POGLUT3: variants seen among roughly 807,000 people sequenced by gnomAD.
POGLUT3 encodes the protein KDEL (Lys-Asp-Glu-Leu) containing 2.
In POGLUT3, 48 loss-of-function variants were observed where a neutral mutation model predicts 54.3. The ratio of observed to expected loss-of-function variants is 0.88; its 90% CI spans 0.70 to 1.12. The LOEUF is 1.12. POGLUT3 is among the 50% of genes most tolerant of loss of function. POGLUT3 has a pLI of 0.00. For missense variants in POGLUT3, 629 were observed against 618.7 expected (o/e 1.02, Z -0.18); for synonymous variants, 218 against 237.4 (o/e 0.92, Z 0.75).
intron 4 of POGLUT3, among the ~76,000 whole-genome samples, 199 bp downstream of exon 4, chr11:108,481,807 C>G (rs2093593219): frequency 6.6e-6 from 1 of 152,198 alleles, no homozygotes. Context: ...AAAACGTGAG[C>G]TAGCCCTTTG....
chr11:108,484,301 G>A (rs973901226), intron 3 of POGLUT3, among the ~76,000 whole-genome samples: 1 of 152,220 alleles, frequency 6.6e-6, no homozygotes, highest in African/African-American at 2.4e-5. Context: ...AGCCCGGGAA[G>A]AGAGCACTAC....
At chr11:108,482,808 TAG>T (rs2093595406) in intron 3 of POGLUT3, among the ~76,000 whole-genome samples, 2 of 152,140 alleles carry the variant, frequency 1.3e-5, no homozygotes, top group African/African-American at 2.4e-5. Flanking sequence ...GAAAATTGTG[TAG>T]AGAGGTAAGA....
At position 108,474,719 on chromosome 11, in the gene POGLUT3, G is replaced by T; in HGVS notation, c.*108C>A. The T allele has an allele frequency of 7.7e-7, 1 of 1,298,696 alleles. No individual in the cohort carries two copies. Among genetic ancestry groups the T allele is most frequent in the Non-Finnish European group, 1.1e-6 (1 of 931,920 alleles). The allele number at this position is 1,298,696 out of a possible 1,614,324, so 80.4% of individuals were successfully genotyped here. ...TCCATCTACATATATAAAGCCACCG[G>T]GAGAACTAGTCCACTTGGTGCAGTC... On this transcript the variant is annotated 3_prime_UTR_variant, in exon 8 of 8. Coordinates refer to ENST00000323468, the MANE Select transcript of POGLUT3 (RefSeq NM_153705.5).
chr11:108,491,424 A>G (rs1323282495), intron 1 of POGLUT3: 3 of 569,002 alleles, frequency 5.3e-6, no homozygotes, highest in Non-Finnish European at 9.3e-6. Context: ...GCAGAATCCT[A>G]GCTCATTACA....
chr11:108,480,127 C>T lies in POGLUT3; in HGVS notation c.1099-632G>A, dbSNP rs192634214. ...CTGGGATTACAGGCGTGAACCACTA[C>T]GCCCAGCCAGGAAAACTATTTTCAA... On this transcript the variant is annotated intron_variant, in intron 5 of 7. Coordinates refer to ENST00000323468, the MANE Select transcript of POGLUT3 (RefSeq NM_153705.5). Among the ~76,000 whole-genome samples, 7 of 152,334 alleles carry T rather than the reference C, an allele frequency of 4.6e-5. 1 individual carries two copies. The highest frequency in any genetic ancestry group is 1.3e-4 in the Admixed American group (2 of 15,302).
chr11:108,492,923 CA>C (rs2093615759), intron 1 of POGLUT3, among the ~76,000 whole-genome samples: 1 of 152,170 alleles, frequency 6.6e-6, no homozygotes, highest in East Asian at 1.9e-4. Flanking sequence ...CATGGCACAG[CA>C]GATCGAAATC....
chr11:108,486,016 G>A (rs2093602599), intron 3 of POGLUT3, 141 bp downstream of exon 3: 1 of 670,524 alleles, frequency 1.5e-6, no homozygotes, highest in African/African-American at 1.8e-5. Flanking sequence ...TGGAGAACAT[G>A]ATGAACACTC....
intron 1 of POGLUT3, among the ~76,000 whole-genome samples, chr11:108,496,745 T>C (rs2093622972): frequency 6.6e-6 from 1 of 152,200 alleles, no homozygotes; most frequent in Non-Finnish European, 1.5e-5. Context: ...CTGAGGTAGT[T>C]AAGGGAGAGG....
Position 108,474,759 on chromosome 11 carries a change from T to G in POGLUT3, c.*68A>C. The G allele has an allele frequency of 6.3e-7, 1 of 1,581,420 alleles. No homozygotes were observed. The highest frequency in any genetic ancestry group is 8.6e-7 in the Non-Finnish European group (1 of 1,159,314). ...TTGGTGCAGTCTTCTATACTGTCCTTCACAGCTTAGATTCAATCTTTCCTT... is the reference window on the plus strand; with the variant it reads ...TTGGTGCAGTCTTCTATACTGTCCTGCACAGCTTAGATTCAATCTTTCCTT... On this transcript the variant is annotated 3_prime_UTR_variant, in exon 8 of 8. Transcript: ENST00000323468.
intron 1 of POGLUT3, 32 bp downstream of exon 1, chr11:108,498,133 C>T (rs751997229): frequency 2.8e-5 from 41 of 1,477,866 alleles, no homozygotes; most frequent in Non-Finnish European, 3.5e-5. Context: ...GACCCGGCCG[C>T]GGGACGAGGG....
chr11:108,493,960 A>C (rs948890893), intron 1 of POGLUT3, among the ~76,000 whole-genome samples: 2 of 152,190 alleles, frequency 1.3e-5, no homozygotes, highest in Admixed American at 1.3e-4. Context: ...AGAATCAGAA[A>C]TCTTGAACAC....
chr11:108,477,495 G>GAA lies in POGLUT3; in HGVS notation c.1398+111_1398+112insTT. The GAA allele has an allele frequency of 5.9e-6, 4 of 676,154 alleles. No individual in the cohort carries two copies. The South Asian group carries it at 7.5e-5, about 13-fold the overall frequency. The allele number at this position is 676,154 out of a possible 1,614,324, so 41.9% of individuals were successfully genotyped here. Reference sequence around the variant, plus strand: ...GGCAAGTGCCTTGGCTTAGCCAGTGGTCCATAGGCTTGACTGTGAGTCCTT... The same window carrying GAA: ...GGCAAGTGCCTTGGCTTAGCCAGTGGAATCCATAGGCTTGACTGTGAGTCCTT... On this transcript the variant is annotated intron_variant, in intron 7 of 7. Coordinates refer to ENST00000323468, the MANE Select transcript of POGLUT3 (RefSeq NM_153705.5).
chr11:108,474,751 A>G lies in POGLUT3; in HGVS notation c.*76T>C, dbSNP rs150085579. 1.3e-4 allele frequency: 207 copies of G among 1,556,946 alleles called. No individual in the cohort carries two copies. In the African/African-American group the frequency reaches 2.5e-3, roughly 19 times the overall value. On this transcript the variant is annotated 3_prime_UTR_variant, in exon 8 of 8. Transcript: ENST00000323468. ...TAGTCCACTTGGTGCAGTCTTCTAT[A>G]CTGTCCTTCACAGCTTAGATTCAAT... is the stretch of plus-strand genomic sequence containing the variant.
intron 6 of POGLUT3, 33 bp from the exon 7 acceptor site, chr11:108,477,744 A>T: frequency 2.9e-6 from 4 of 1,389,208 alleles, no homozygotes. Context: ...AATGAATGAA[A>T]ATTACTACTG....
At position 108,486,212 on chromosome 11, in the gene POGLUT3, T is replaced by G. The variant is rs753354801; in HGVS notation, c.629A>C (p.Lys210Thr). The G allele has an allele frequency of 2.5e-6, 4 of 1,613,746 alleles. No individual in the cohort carries two copies. In the East Asian group the frequency reaches 6.7e-5, roughly 27 times the overall value. Residue 210 changes from lysine (K) to threonine (T), a missense_variant, in exon 3 of 8, where the codon AAA becomes ACA. Physicochemically the swap from Lys to Thr is moderately conservative, Grantham distance 78 (BLOSUM62 -1). Transcript: ENST00000323468. ...AGAGAACATCTTGAAGTCTGTGTATTTCCCTAAAGATCTCCGGTAAACATG... is the reference window on the plus strand; with the variant it reads ...AGAGAACATCTTGAAGTCTGTGTATGTCCCTAAAGATCTCCGGTAAACATG... ...NNHVYRRSLG[K>T]YTDFKMFSDE...
chr11:108,478,423 A>G (rs976418506), intron 6 of POGLUT3, among the ~76,000 whole-genome samples: 1 of 152,246 alleles, frequency 6.6e-6, no homozygotes, highest in Admixed American at 6.5e-5. Context: ...TCCTCTCTGC[A>G]TAACAGGAGA....
intron 2 of POGLUT3, among the ~76,000 whole-genome samples, chr11:108,489,254 T>C (rs2093608958): frequency 6.6e-6 from 1 of 152,160 alleles, no homozygotes; most frequent in African/African-American, 2.4e-5. Flanking sequence ...GCCCAATATA[T>C]GGGTAATTAG....
At position 108,474,750 on chromosome 11, in the gene POGLUT3, T is replaced by C; in HGVS notation, c.*77A>G. ...CTAGTCCACTTGGTGCAGTCTTCTA[T>C]ACTGTCCTTCACAGCTTAGATTCAA... is the stretch of plus-strand genomic sequence containing the variant. On this transcript the variant is annotated 3_prime_UTR_variant, in exon 8 of 8. Coordinates refer to ENST00000323468, the MANE Select transcript of POGLUT3 (RefSeq NM_153705.5). 6 of 1,557,400 alleles carry C rather than the reference T, an allele frequency of 3.9e-6. No individual in the cohort carries two copies. In the South Asian group the frequency reaches 5.8e-5, roughly 15 times the overall value.
At chr11:108,488,637 T>C (rs1304811529) in intron 2 of POGLUT3, among the ~76,000 whole-genome samples, 1 of 152,210 alleles carries the variant, frequency 6.6e-6, no homozygotes, top group Non-Finnish European at 1.5e-5. Flanking sequence ...GCAGAGCATA[T>C]GATCAGTGCA....
Sources: gnomAD v4.1 joint callset for allele counts (sites outside exome capture counted in the v4.1 genomes callset) on GRCh38, gnomAD v4.1.1 for gene constraint, MANE v1.5 for transcripts, NCBI Gene and HGNC (gene_info 2026-07-23, HGNC 2026-07-21) for gene names.